Variants in CDH22 observed in about 807,000 individuals in gnomAD.
CDH22 encodes the protein cadherin 22, also known as cadherin-22.
Under a neutral mutation model 58.4 loss-of-function variants are expected in CDH22, and 30 were observed. The ratio of observed to expected loss-of-function variants is 0.51; its 90% confidence interval spans 0.38 to 0.70. CDH22 has a LOEUF of 0.70. Ranked by LOEUF, CDH22 falls within the 30% of genes least tolerant of loss-of-function variation. The pLI, the probability that CDH22 is intolerant of heterozygous loss-of-function variation, is 0.00. For missense variants in CDH22, 1,014 were observed against 1,233.9 expected (o/e 0.82, Z 2.67); for synonymous variants, 513 against 558.2 (o/e 0.92, Z 1.14).
chr20:46,241,078 G>A lies in CDH22; in HGVS notation c.435C>T (p.Asn145=), dbSNP rs1330638525. 6.2e-7 allele frequency: 1 copy of A among 1,614,084 alleles called. No homozygotes were observed. The highest frequency in any genetic ancestry group is 1.3e-5 in the African/African-American group (1 of 74,944). The change falls in exon 3 of 12, where the codon AAC becomes AAT. Residue 145 remains asparagine, a synonymous_variant. Coordinates refer to ENST00000537909, the MANE Select transcript of CDH22 (RefSeq NM_021248.3). This position sits in a 1 kb window ranked among gnomAD's most constrained non-coding sequence, Gnocchi z 5.2. ...ACTCCGACTCGGGCTCCAGTAGGCG[G>A]TTGGTGGCGCGATCCCGAGCCTGGG... ...LRAQARDRAT[N]RLLEPESEFI...
At chr20:46,192,241 A>C (rs2085866190) in intron 8 of CDH22, among the ~76,000 whole-genome samples, 1 of 152,236 alleles carries the variant, frequency 6.6e-6, no homozygotes, top group Admixed American at 6.5e-5. Flanking sequence ...AAGATGTGTC[A>C]AATGAATGGA....
At position 46,262,059 on chromosome 20, in the gene CDH22, A is replaced by G. The variant is rs553264317; in HGVS notation, c.-399-10366T>C. ...CCCGGCACCAAGGACAGCTCCCTACACATACTAGGTGCTCAATAAGTGTGG... is the reference window on the plus strand; with the variant it reads ...CCCGGCACCAAGGACAGCTCCCTACGCATACTAGGTGCTCAATAAGTGTGG... On this transcript the variant is annotated intron_variant, in intron 1 of 11. Coordinates refer to ENST00000537909, the MANE Select transcript of CDH22 (RefSeq NM_021248.3). Among the ~76,000 whole-genome samples, 6 of 152,242 alleles carry G rather than the reference A, an allele frequency of 3.9e-5. No individual in the cohort carries two copies. In the South Asian group the frequency reaches 1.2e-3, roughly 32 times the overall value.
chr20:46,302,892 C>G (rs1568687127), intron 1 of CDH22, among the ~76,000 whole-genome samples: 1 of 152,188 alleles, frequency 6.6e-6, no homozygotes, highest in Non-Finnish European at 1.5e-5. Flanking sequence ...CATGCCCAGG[C>G]AGTTACTTAG....
chr20:46,216,912 G>A lies in CDH22; in HGVS notation c.752C>T (p.Ala251Val), dbSNP rs759912387. 5 of 1,611,104 alleles carry A rather than the reference G, an allele frequency of 3.1e-6. No homozygotes were observed. Among genetic ancestry groups the A allele is most frequent in the East Asian group, 2.2e-5 (1 of 44,798 alleles). Reference protein sequence around the residue: ...YEVVIQATDMAGQLGGLSGST... With the variant: ...YEVVIQATDMVGQLGGLSGST... ...GCCCGAGAGGCCACCCAGCTGACCCGCCATGTCTGTGGCCTGGATCACCAC... is the reference window on the plus strand; with the variant it reads ...GCCCGAGAGGCCACCCAGCTGACCCACCATGTCTGTGGCCTGGATCACCAC... The change falls in exon 5 of 12, where the codon GCG becomes GTG. Residue 251 changes from alanine (A) to valine (V), a missense_variant. By Grantham distance (64) the Ala-to-Val change is moderately conservative (BLOSUM62 0). Coordinates refer to ENST00000537909, the MANE Select transcript of CDH22 (RefSeq NM_021248.3). The surrounding 1 kb of genome is among the most constrained non-coding windows in gnomAD (Gnocchi z 5.3).
At chr20:46,261,180 TA>T (rs2086431481) in intron 1 of CDH22, among the ~76,000 whole-genome samples, 1 of 152,190 alleles carries the variant, frequency 6.6e-6, no homozygotes, top group African/African-American at 2.4e-5. Context: ...AGGGCCAACA[TA>T]AGGTGTAAAT....
At chr20:46,256,201 A>G (rs1261742948) in intron 1 of CDH22, among the ~76,000 whole-genome samples, 2 of 152,238 alleles carry the variant, frequency 1.3e-5, no homozygotes, top group Admixed American at 1.3e-4. Context: ...AAACAGGTAG[A>G]GTCCTTGCCA....
At chr20:46,226,284 T>TTCTTCTTCC (rs2145709483) in intron 4 of CDH22, among the ~76,000 whole-genome samples, 1 of 2,662 alleles carries the variant, frequency 3.8e-4, no homozygotes, top group African/African-American at 2.1e-3. Flanking sequence ...CTTCTTCTTC[T>TTCTTCTTCC]TCTTCTTCTT....
chr20:46,305,309 G>T (rs139434769), intron 1 of CDH22, among the ~76,000 whole-genome samples: 1 of 152,220 alleles, frequency 6.6e-6, no homozygotes, highest in African/African-American at 2.4e-5. Context: ...AAAACACAAG[G>T]TTGTAGGAAG....
chr20:46,226,200 T>A (rs2086169869), intron 4 of CDH22, among the ~76,000 whole-genome samples: 1 of 151,938 alleles, frequency 6.6e-6, no homozygotes, highest in Non-Finnish European at 1.5e-5. Context: ...GTACCTGGAA[T>A]GCCCTTCTCT....
intron 1 of CDH22, among the ~76,000 whole-genome samples, chr20:46,269,360 C>T (rs980051516): frequency 1.3e-5 from 2 of 152,198 alleles, no homozygotes; most frequent in African/African-American, 4.8e-5. Context: ...TTCTCTAGTG[C>T]ACAGGGTGAA....
At chr20:46,291,294 T>A (rs1333465309) in intron 1 of CDH22, among the ~76,000 whole-genome samples, 1 of 151,964 alleles carries the variant, frequency 6.6e-6, no homozygotes, top group African/African-American at 2.4e-5. Context: ...AATAAATAAA[T>A]AAATAAAACA....
chr20:46,213,105 C>T lies in CDH22; in HGVS notation c.922G>A (p.Glu308Lys). ...AGGTGGTAAGTCATGTCTGTGTTCT[C>T]TCCCACGTCTGAGTCCTCAGCCTTC... is the stretch of plus-strand genomic sequence containing the variant. ...RVKAEDSDVGENTDMTYHLKD... is the reference protein window; with the variant it reads ...RVKAEDSDVGKNTDMTYHLKD... Residue 308 changes from glutamate to lysine, a missense_variant, in exon 6 of 12, where the codon GAG becomes AAG. By Grantham distance (56) the Glu-to-Lys change is moderately conservative. Coordinates refer to ENST00000537909, the MANE Select transcript of CDH22 (RefSeq NM_021248.3). The T allele has an allele frequency of 1.2e-6, 2 of 1,614,208 alleles. No homozygotes were observed. Among genetic ancestry groups the T allele is most frequent in the Non-Finnish European group, 1.7e-6 (2 of 1,180,016 alleles).
In CDH22 at chr20:46,251,340, AC is replaced by A; in HGVS notation, c.-47del. The A allele has an allele frequency of 7.1e-7, 1 of 1,409,752 alleles. No individual in the cohort carries two copies. Among genetic ancestry groups the A allele is most frequent in the South Asian group, 1.5e-5 (1 of 66,126 alleles). The allele number at this position is 1,409,752 out of a possible 1,614,324, so 87.3% of individuals were successfully genotyped here. ...GGGCCCAGGAGCATGGACGAGAGGCACCAGGGCGCCGCTGCTTGGTCGCACA... is the reference window on the plus strand; with the variant it reads ...GGGCCCAGGAGCATGGACGAGAGGCACAGGGCGCCGCTGCTTGGTCGCACA... On this transcript the variant is annotated 5_prime_UTR_variant, in exon 2 of 12. Transcript: ENST00000537909. The surrounding 1 kb of genome is among the most constrained non-coding windows in gnomAD (Gnocchi z 6.7).
chr20:46,227,426 C>T (rs1292131691), intron 4 of CDH22, 82 bp downstream of exon 4: 17 of 1,312,436 alleles, frequency 1.3e-5, no homozygotes, highest in Non-Finnish European at 1.5e-5. Flanking sequence ...AGGCTCAGAG[C>T]AGACGTCTGG....
chr20:46,301,962 G>A (rs931942280), intron 1 of CDH22, among the ~76,000 whole-genome samples: 7 of 152,170 alleles, frequency 4.6e-5, no homozygotes, highest in African/African-American at 1.7e-4. Context: ...CCACCAGCGG[G>A]TGCATCCTTC....
rs2086286439 is a variant in CDH22 at position 46,241,069 on chromosome 20, C to T, written c.444G>A (p.Leu148=). Residue 148 remains leucine, a synonymous_variant, in exon 3 of 12, where the codon CTG becomes CTA. Coordinates refer to ENST00000537909, the MANE Select transcript of CDH22 (RefSeq NM_021248.3). The surrounding 1 kb of genome is among the most constrained non-coding windows in gnomAD (Gnocchi z 5.2). The part of the protein sequence containing the change: ...QARDRATNRL[L]EPESEFIIKV... Reference sequence around the variant, plus strand: ...TGATGATGAACTCCGACTCGGGCTCCAGTAGGCGGTTGGTGGCGCGATCCC... The same window carrying T: ...TGATGATGAACTCCGACTCGGGCTCTAGTAGGCGGTTGGTGGCGCGATCCC... 6.2e-7 allele frequency: 1 copy of T among 1,614,060 alleles called. No individual in the cohort carries two copies. Among genetic ancestry groups the T allele is most frequent in the Admixed American group, 1.7e-5 (1 of 60,002 alleles).
At position 46,251,300 on chromosome 20, in the gene CDH22, G is replaced by T; in HGVS notation, c.-6C>A. 6.9e-7 allele frequency: 1 copy of T among 1,448,186 alleles called. No homozygotes were observed. Among genetic ancestry groups the T allele is most frequent in the Non-Finnish European group, 9.0e-7 (1 of 1,108,752 alleles). 89.7% of individuals were successfully genotyped at this position (1,448,186 alleles called of 1,614,324 possible). ...CCTTCGGGCCTCGGCCTCATCCTTG[G>T]CCTGCGCGGGGCTGGGGCCCAGGAG... On this transcript the variant is annotated 5_prime_UTR_variant, in exon 2 of 12. Transcript: ENST00000537909. This position sits in a 1 kb window ranked among gnomAD's most constrained non-coding sequence, Gnocchi z 6.7.
At chr20:46,204,606 G>A (rs961155930) in intron 7 of CDH22, among the ~76,000 whole-genome samples, 4 of 152,112 alleles carry the variant, frequency 2.6e-5, no homozygotes, top group Admixed American at 6.5e-5. Flanking sequence ...ATTTTACAGA[G>A]GAGGAAACTG....
At chr20:46,187,685 C>T (rs1329052411) in intron 8 of CDH22, among the ~76,000 whole-genome samples, 1 of 151,886 alleles carries the variant, frequency 6.6e-6, no homozygotes, top group Non-Finnish European at 1.5e-5. Context: ...ACTACTATTA[C>T]CCCCATCATA....
Sources: gnomAD v4.1 joint callset for allele counts (sites outside exome capture counted in the v4.1 genomes callset) on GRCh38, gnomAD v4.1.1 for gene constraint, Gnocchi (gnomAD v3.1) non-coding constraint, MANE v1.5 for transcripts, NCBI Gene and HGNC (gene_info 2026-07-23, HGNC 2026-07-21) for gene names.